Variants in ABCB4 observed in about 807,000 individuals in gnomAD.
The protein encoded by ABCB4 is phosphatidylcholine translocator ABCB4.
ABCB4 carries 76 observed loss-of-function variants against 145.7 expected under a neutral mutation model. The observed-to-expected ratio is 0.52, with a 90% CI of 0.43 to 0.63. The LOEUF (loss-of-function observed/expected upper bound fraction) is 0.63, where lower values mean the gene tolerates loss of function less well. ABCB4 is among the 30% of genes least tolerant of loss of function. The pLI is 0.00. For missense variants in ABCB4, 1,234 were observed against 1,553.1 expected (o/e 0.79, Z 3.45); for synonymous variants, 517 against 566.8 (o/e 0.91, Z 1.25).
chr7:87,370,261 C>T, the ABCB4 span, among the ~76,000 whole-genome samples: 1 of 152,128 alleles, frequency 6.6e-6, no homozygotes, highest in Non-Finnish European at 1.5e-5. Flanking sequence ...CGGCTCACTG[C>T]ACCCTCCACA....
chr7:87,462,516 A>T (rs1432479035), intron 4 of ABCB4, among the ~76,000 whole-genome samples: 1 of 152,188 alleles, frequency 6.6e-6, no homozygotes, highest in Non-Finnish European at 1.5e-5. Flanking sequence ...TTTATTTAGA[A>T]GCTTCCTGTG....
chr7:87,449,303 T>A (rs2116773094), intron 8 of ABCB4, among the ~76,000 whole-genome samples: 1 of 152,252 alleles, frequency 6.6e-6, no homozygotes, highest in Admixed American at 6.5e-5. Flanking sequence ...GGTTTTTCTC[T>A]TCTATATTCC....
chr7:87,453,887 T>C (rs573534792), intron 5 of ABCB4, among the ~76,000 whole-genome samples: 1 of 152,272 alleles, frequency 6.6e-6, no homozygotes, highest in South Asian at 2.1e-4. Flanking sequence ...TTTTTCCACA[T>C]TCTTTATAAA....
chr7:87,398,618 C>A (rs1398069632), downstream of ABCB4: 5 of 1,613,390 alleles, frequency 3.1e-6, no homozygotes, highest in African/African-American at 6.7e-5. Flanking sequence ...TGATATGATA[C>A]AGCTGATGAA....
chr7:87,403,056 G>T, intron 27 of ABCB4, 79 bp downstream of exon 27: 1 of 1,441,070 alleles, frequency 6.9e-7, no homozygotes, highest in Non-Finnish European at 9.8e-7. Context: ...GTGCTTGTGT[G>T]TGTTTTTTTC....
chr7:87,443,468 A>G, intron 11 of ABCB4, 24 bp from the exon 12 acceptor site: 1 of 1,614,080 alleles, frequency 6.2e-7, no homozygotes, highest in Non-Finnish European at 8.5e-7. Context: ...GAGAAAAAAG[A>G]ACACACTTCA....
At chr7:87,403,402 A>G in intron 26 of ABCB4, 121 bp from the exon 27 acceptor site, 1 of 932,284 alleles carries the variant, frequency 1.1e-6, no homozygotes, top group East Asian at 2.4e-5. Flanking sequence ...TCAACTTAAC[A>G]GAGTGTTTAT....
chr7:87,459,329 C>T (rs1812304157), intron 4 of ABCB4, among the ~76,000 whole-genome samples: 1 of 152,112 alleles, frequency 6.6e-6, no homozygotes, highest in Non-Finnish European at 1.5e-5. Context: ...CCCTATTAAC[C>T]ACCATTCCAC....
At chr7:87,402,400 T>A in intron 27 of ABCB4, 98 bp from the exon 28 acceptor site, 2 of 1,382,320 alleles carry the variant, frequency 1.4e-6, no homozygotes, top group Non-Finnish European at 2.0e-6. Context: ...AATCAACTTT[T>A]AATTTCTAGT....
rs767538466 is a variant in ABCB4 at position 87,406,302 on chromosome 7, C to T, written c.3472G>A (p.Glu1158Lys). ...CTTTAACTTACGTGGGGTAACGTCT[C>T]GATGAAAGGATGTATGTTGGCAGCT... ...AKAANIHPFI[E>K]TLPHKYETRV... The change falls in exon 26 of 28, where the codon GAG becomes AAG. Residue 1158 changes from glutamate to lysine, a missense_variant. Transcript: ENST00000649586. 7 of 1,614,060 alleles carry T rather than the reference C, an allele frequency of 4.3e-6. No individual in the cohort carries two copies. The highest frequency in any genetic ancestry group is 4.0e-5 in the African/African-American group (3 of 75,002).
chr7:87,375,706 A>G, the ABCB4 span: 1 of 1,613,540 alleles, frequency 6.2e-7, no homozygotes, highest in Non-Finnish European at 8.5e-7. Context: ...ACTAGTGAGG[A>G]GCGAACTCGA....
chr7:87,377,682 A>G, the ABCB4 span, among the ~76,000 whole-genome samples: 1 of 152,204 alleles, frequency 6.6e-6, no homozygotes, highest in Non-Finnish European at 1.5e-5. Context: ...GGATTTGCAT[A>G]TAATATTTAT....
the ABCB4 span, chr7:87,375,648 C>T: frequency 6.9e-5 from 112 of 1,612,812 alleles, 1 homozygote; most frequent in Admixed American, 1.8e-3. Flanking sequence ...GACATATATC[C>T]ACAAGAAGTG....
At chr7:87,411,095 G>C (rs1348509882) in intron 23 of ABCB4, among the ~76,000 whole-genome samples, 2 of 151,558 alleles carry the variant, frequency 1.3e-5, no homozygotes, top group Admixed American at 1.3e-4. Flanking sequence ...TGTGCCATTT[G>C]TTTCCTGCTG....
intron 20 of ABCB4, 45 bp downstream of exon 20, chr7:87,418,492 A>G (rs1242806218): frequency 6.4e-7 from 1 of 1,570,832 alleles, no homozygotes; most frequent in Admixed American, 1.7e-5. Context: ...GCTTATCTAA[A>G]ACCATGTTAT....
intron 2 of ABCB4, among the ~76,000 whole-genome samples, chr7:87,473,438 T>G (rs1039509247): frequency 6.6e-6 from 1 of 152,196 alleles, no homozygotes; most frequent in African/African-American, 2.4e-5. Context: ...GGTCTTTGCA[T>G]TGCCAGTTAC....
In ABCB4 at chr7:87,439,140, T is replaced by C. The variant is rs45447204; in HGVS notation, c.1731+527A>G. Among the ~76,000 whole-genome samples the C allele has an allele frequency of 2.4e-4, 36 of 152,236 alleles. No homozygotes were observed. In the East Asian group the frequency reaches 4.4e-3, roughly 19 times the overall value. On this transcript the variant is annotated intron_variant, in intron 14 of 27. Transcript: ENST00000649586. ...TTAGTAAAAATGCTAATGAGAGACT[T>C]AGAAATATCTGAGCTGGACAGATGA...
chr7:87,381,917 C>A, the ABCB4 span: 1 of 1,605,314 alleles, frequency 6.2e-7, no homozygotes, highest in South Asian at 1.1e-5. Flanking sequence ...TAGCATGCTC[C>A]TTTTGATGCA....
the ABCB4 span, among the ~76,000 whole-genome samples, chr7:87,373,403 T>C: frequency 6.6e-6 from 1 of 152,126 alleles, no homozygotes; most frequent in Non-Finnish European, 1.5e-5. Flanking sequence ...CCTCTTTTGA[T>C]GCACAATATT....
Sources: allele counts gnomAD v4.1 joint callset (sites outside exome capture counted in the v4.1 genomes callset), GRCh38; gene constraint gnomAD v4.1.1; transcripts MANE v1.5; gene names NCBI Gene and HGNC (gene_info 2026-07-23, HGNC 2026-07-21).